The following ELN variants were observed in gnomAD, a reference collection of about 807,000 sequenced individuals.
ELN encodes the protein elastin.
ELN carries 65 observed loss-of-function variants against 105.8 expected under a neutral mutation model. That is an observed-to-expected ratio of 0.61 (90% confidence interval 0.50 to 0.75). ELN has a LOEUF of 0.75. Ranked by LOEUF, ELN falls within the 30% of genes least tolerant of loss-of-function variation. The pLI, the probability that ELN is intolerant of heterozygous loss-of-function variation, is 0.00. For missense variants in ELN, 882 were observed against 969.4 expected, an observed-to-expected ratio of 0.91 and a Z score of 1.20; for synonymous variants, 368 against 389.2, an observed-to-expected ratio of 0.95 and a Z score of 0.64.
chr7:74,057,606 ATTAC>A (rs1554681090), intron 21 of ELN, 30 bp from the exon 22 acceptor site: 2 of 1,611,334 alleles, frequency 1.2e-6, no homozygotes, highest in South Asian at 2.2e-5. Flanking sequence ...GGTGTGAGAG[ATTAC>A]TCTCTCACCC....
intron 32 of ELN, 51 bp downstream of exon 32, chr7:74,066,827 C>T: frequency 6.3e-7 from 1 of 1,585,118 alleles, no homozygotes; most frequent in Non-Finnish European, 8.7e-7. Flanking sequence ...GCAGCCACCT[C>T]CTCCCTCCTC....
chr7:74,059,640 C>T (rs1415487962), intron 22 of ELN: 10 of 595,926 alleles, frequency 1.7e-5, no homozygotes, highest in East Asian at 2.9e-5. Flanking sequence ...GTCGAGATCA[C>T]GCCATTGCAC....
chr7:74,060,829 C>T (rs1039295260), intron 25 of ELN, among the ~76,000 whole-genome samples: 8 of 152,188 alleles, frequency 5.3e-5, no homozygotes, highest in Admixed American at 4.6e-4. Flanking sequence ...GCCAGGGGAC[C>T]ACTAGGAACT....
At chr7:74,053,791 G>T (rs1336925239) in intron 18 of ELN, among the ~76,000 whole-genome samples, 1 of 151,198 alleles carries the variant, frequency 6.6e-6, no homozygotes, top group Non-Finnish European at 1.5e-5. Context: ...TAAGTGGATG[G>T]ATGAATGGGT....
chr7:74,052,955 C>T lies in ELN; in HGVS notation c.950-208C>T. On this transcript the variant is annotated intron_variant, in intron 17 of 32. Coordinates refer to ENST00000252034, the MANE Select transcript of ELN (RefSeq NM_000501.4). ...GAAAAAGAAAGAGATCACATTCCTC[C>T]AGCTCACTGATTCAAATCCTAGAGC... 3 of 626,512 alleles carry T rather than the reference C, an allele frequency of 4.8e-6. No homozygotes were observed. The South Asian group carries it at 6.0e-5, about 12-fold the overall frequency. 38.8% of individuals were successfully genotyped at this position (626,512 alleles called of 1,614,324 possible). A position where few individuals can be genotyped will look rare whatever the true frequency, so the allele number is the denominator to read the frequency against.
In ELN at chr7:74,063,398, C is replaced by T. The variant is rs539112765; in HGVS notation, c.1918+29C>T. 42 of 1,544,058 alleles carry T rather than the reference C, an allele frequency of 2.7e-5. No individual in the cohort carries two copies. Among genetic ancestry groups the T allele is most frequent in the South Asian group, 2.6e-4 (22 of 84,292 alleles). ...AGCACTGGGTGGAGGTGGGAGCTGC[C>T]GCCAGGCCCCCAGGCCCCCAGGGTG... On this transcript the variant is annotated intron_variant, in intron 28 of 32. Transcript: ENST00000252034. The surrounding 1 kb of genome is among the most constrained non-coding windows in gnomAD (Gnocchi z 4.1).
intron 17 of ELN, 135 bp from the exon 18 acceptor site, chr7:74,053,028 T>C: frequency 7.9e-7 from 1 of 1,262,100 alleles, no homozygotes. Flanking sequence ...ATGAGTAGGA[T>C]CCATGCAGAG....
At chr7:74,042,284 C>G (rs1791411908) in intron 5 of ELN, among the ~76,000 whole-genome samples, 1 of 151,528 alleles carries the variant, frequency 6.6e-6, no homozygotes, top group Non-Finnish European at 1.5e-5. Flanking sequence ...AAAAATTTGC[C>G]GGGCACAGTG....
At chr7:74,065,592 C>A in intron 29 of ELN, 102 bp from the exon 30 acceptor site, 1 of 1,391,894 alleles carries the variant, frequency 7.2e-7, no homozygotes, top group Non-Finnish European at 9.9e-7. Flanking sequence ...CCAGCCCAGG[C>A]GAAGGAGTGA....
In ELN at chr7:74,063,137, C is replaced by G; in HGVS notation, c.1787-16C>G. The stretch of plus-strand genomic sequence containing the variant: ...GTTCAGAAATGGAACACTCATTTTC[C>G]CTCCTCTCCCCGCAGGAGCAGCAGT... On this transcript the variant is annotated splice_polypyrimidine_tract_variant and intron_variant, in intron 26 of 32. Transcript: ENST00000252034. The surrounding 1 kb of genome is among the most constrained non-coding windows in gnomAD (Gnocchi z 4.1). 1 of 1,597,712 alleles carries G rather than the reference C, an allele frequency of 6.3e-7. No homozygotes were observed. Among genetic ancestry groups the G allele is most frequent in the South Asian group, 1.1e-5 (1 of 87,220 alleles).
intron 1 of ELN, 108 bp from the exon 2 acceptor site, chr7:74,035,256 G>T: frequency 1.9e-6 from 2 of 1,041,972 alleles, no homozygotes; most frequent in South Asian, 2.6e-5. Flanking sequence ...TTGTTTCCAT[G>T]TAATTGTGGG....
intron 21 of ELN, 75 bp from the exon 22 acceptor site, chr7:74,057,565 A>T: frequency 6.2e-7 from 1 of 1,607,850 alleles, no homozygotes; most frequent in Non-Finnish European, 8.5e-7. Context: ...ACAAATGGGA[A>T]GACTGAGCCT....
intron 14 of ELN, 34 bp downstream of exon 14, chr7:74,048,235 G>T (rs1400695167): frequency 6.2e-7 from 1 of 1,613,786 alleles, no homozygotes; most frequent in Non-Finnish European, 8.5e-7. Context: ...CCAGCCAAGG[G>T]AGCACTGATC....
At chr7:74,041,393 C>G (rs1791187360) in intron 5 of ELN, 142 bp downstream of exon 5, 1 of 1,033,872 alleles carries the variant, frequency 9.7e-7, no homozygotes, top group South Asian at 1.4e-5. Flanking sequence ...ATGCTGATAC[C>G]AACTGCCCCA....
intron 15 of ELN, among the ~76,000 whole-genome samples, chr7:74,050,135 ATCCT>A (rs1290964675): frequency 2.2e-5 from 3 of 135,618 alleles, no homozygotes; most frequent in East Asian, 2.4e-4. Flanking sequence ...TTCTCCATGC[ATCCT>A]TCCATCCATC....
intron 19 of ELN, among the ~76,000 whole-genome samples, chr7:74,056,053 C>T (rs1414807720): frequency 6.6e-6 from 1 of 152,156 alleles, no homozygotes; most frequent in Non-Finnish European, 1.5e-5. Flanking sequence ...TCCCAAAGTG[C>T]TAGGATTACA....
At chr7:74,042,360 T>C (rs1554668989) in intron 5 of ELN, among the ~76,000 whole-genome samples, 1 of 151,482 alleles carries the variant, frequency 6.6e-6, no homozygotes, top group Admixed American at 6.6e-5. Context: ...CCTGGGTGGT[T>C]GAGGCTGCAG....
chr7:74,031,797 AAGAGAG>A lies in ELN; in HGVS notation c.82+3542_82+3547del, dbSNP rs374353560. Among the ~76,000 whole-genome samples, 121 of 148,034 alleles carry A rather than the reference AAGAGAG, an allele frequency of 8.2e-4. 3 individuals are homozygous for A. Among genetic ancestry groups the A allele is most frequent in the African/African-American group, 2.7e-3 (110 of 40,090 alleles). ...ATTTAAAAAGAAAGAAAAAGAAAGA[AAGAGAG>A]AGAGAGAGAGAGAAAGGAGAGAGAG... On this transcript the variant is annotated intron_variant, in intron 1 of 32. Coordinates refer to ENST00000252034, the MANE Select transcript of ELN (RefSeq NM_000501.4).
chr7:74,029,855 CAA>C (rs1788276884), intron 1 of ELN, among the ~76,000 whole-genome samples: 1 of 152,214 alleles, frequency 6.6e-6, no homozygotes, highest in Admixed American at 6.5e-5. Context: ...ACTTGACAAA[CAA>C]GGAAGCTGAG....
Sources: allele counts gnomAD v4.1 joint callset (sites outside exome capture counted in the v4.1 genomes callset), GRCh38; gene constraint gnomAD v4.1.1; non-coding constraint Gnocchi (gnomAD v3.1); transcripts MANE v1.5; gene names NCBI Gene and HGNC (gene_info 2026-07-23, HGNC 2026-07-21).